Variants in WDR59 observed in about 807,000 individuals in gnomAD.
WDR59 encodes the protein WD repeat domain 59, also known as GATOR2 complex protein WDR59.
A neutral mutation model predicts 131.2 loss-of-function variants in WDR59; 100 were observed. That is an observed-to-expected ratio of 0.76 (90% CI 0.65 to 0.90). The LOEUF is 0.90. Ranked by LOEUF, WDR59 falls within the 40% of genes least tolerant of loss-of-function variation. The probability of loss-of-function intolerance (pLI) is 0.00; values close to 1 mark genes in which losing one functional copy is unlikely to be tolerated. For missense variants in WDR59, 1,203 were observed against 1,262.2 expected, an observed-to-expected ratio of 0.95 and a Z score of 0.71; for synonymous variants, 601 against 466.2, an observed-to-expected ratio of 1.29 and a Z score of -3.72.
At chr16:74,933,708 A>G (rs145105219) in intron 8 of WDR59, among the ~76,000 whole-genome samples, 1 of 151,992 alleles carries the variant, frequency 6.6e-6, no homozygotes, top group Admixed American at 6.6e-5. Flanking sequence ...TGCCTCAGCC[A>G]CCCAACTAGC....
chr16:74,951,442 G>C lies in WDR59; in HGVS notation c.326+16C>G, dbSNP rs775886319. The C allele has an allele frequency of 6.3e-7, 1 of 1,585,290 alleles. No individual in the cohort carries two copies. The highest frequency in any genetic ancestry group is 8.6e-7 in the Non-Finnish European group (1 of 1,165,416). On this transcript the variant is annotated intron_variant, in intron 4 of 25. Transcript: ENST00000262144. ...AAAGCAAGACAGCCAAAGAGCTGTG[G>C]AGGGCTGGTGCCTACCTGATGACAC...
At chr16:74,979,284 G>A (rs1293127131) in intron 1 of WDR59, among the ~76,000 whole-genome samples, 1 of 151,532 alleles carries the variant, frequency 6.6e-6, no homozygotes, top group Non-Finnish European at 1.5e-5. Context: ...CTAACACAGT[G>A]AAACCCCATC....
chr16:74,956,618 C>G lies in WDR59; in HGVS notation c.105-8G>C, dbSNP rs375317600. ...ATGTATAAGAATCTGCGGCTAGAGA[C>G]CAACATCAACATTATAATAGTATAA... On this transcript the variant is annotated splice_polypyrimidine_tract_variant and splice_region_variant and intron_variant, in intron 2 of 25. Transcript: ENST00000262144. 7.4e-6 allele frequency: 12 copies of G among 1,613,384 alleles called. No individual in the cohort carries two copies. The African/African-American group carries it at 1.1e-4, about 14-fold the overall frequency.
intron 25 of WDR59, among the ~76,000 whole-genome samples, chr16:74,875,188 G>A (rs539908939): frequency 9.9e-5 from 15 of 152,162 alleles, no homozygotes; most frequent in Non-Finnish European, 2.2e-4. Flanking sequence ...TCAGGACACC[G>A]GGATGCCGCT....
In WDR59 at chr16:74,886,409, A is replaced by G; in HGVS notation, c.2420-13T>C. The G allele has an allele frequency of 6.2e-7, 1 of 1,611,360 alleles. No individual in the cohort carries two copies. The highest frequency in any genetic ancestry group is 8.5e-7 in the Non-Finnish European group (1 of 1,179,138). ...GCCTCTCTTCCCGCTGAAGAAAATC[A>G]AATGGGAAGGGAAGATGGCAATCAG... On this transcript the variant is annotated splice_polypyrimidine_tract_variant and intron_variant, in intron 23 of 25. Transcript: ENST00000262144.
At chr16:74,920,994 T>A (rs1306216577) in intron 10 of WDR59, among the ~76,000 whole-genome samples, 1 of 152,144 alleles carries the variant, frequency 6.6e-6, no homozygotes, top group Non-Finnish European at 1.5e-5. Context: ...TGCATGGCAA[T>A]TACATAGATT....
intron 17 of WDR59, among the ~76,000 whole-genome samples, chr16:74,905,939 A>C (rs1382091790): frequency 6.6e-6 from 1 of 152,008 alleles, no homozygotes; most frequent in Non-Finnish European, 1.5e-5. Flanking sequence ...AGCACATCAC[A>C]AAAAAAGATA....
chr16:74,952,763 T>A (rs185343616), intron 3 of WDR59, among the ~76,000 whole-genome samples: 2 of 150,022 alleles, frequency 1.3e-5, no homozygotes, highest in East Asian at 1.9e-4. Context: ...AATAATTTTT[T>A]AAATTATATA....
intron 13 of WDR59, among the ~76,000 whole-genome samples, chr16:74,914,565 A>G (rs1966267710): frequency 6.6e-6 from 1 of 151,222 alleles, no homozygotes; most frequent in Non-Finnish European, 1.5e-5. Context: ...TCAGCTGTAA[A>G]GTGAGGCTAA....
At chr16:74,955,395 G>A (rs1186851934) in intron 3 of WDR59, among the ~76,000 whole-genome samples, 1 of 152,142 alleles carries the variant, frequency 6.6e-6, no homozygotes, top group Non-Finnish European at 1.5e-5. Context: ...GTAGTGCCAA[G>A]GTTAAAAAAC....
chr16:74,909,113 C>A lies in WDR59; in HGVS notation c.1643-136G>T, dbSNP rs1965960327. 6 of 741,866 alleles carry A rather than the reference C, an allele frequency of 8.1e-6. No homozygotes were observed. In the South Asian group the frequency reaches 8.5e-5, roughly 11 times the overall value. The allele number at this position is 741,866 out of a possible 1,614,324, so 46.0% of individuals were successfully genotyped here. ...CACATTTTCATAAGCTGCAAGACTC[C>A]TGACTGCAGTCACCCTTACCAGGAA... is the stretch of plus-strand genomic sequence containing the variant. On this transcript the variant is annotated intron_variant, in intron 16 of 25. Transcript: ENST00000262144.
chr16:74,951,352 C>G, intron 4 of WDR59, 106 bp downstream of exon 4: 1 of 1,133,050 alleles, frequency 8.8e-7, no homozygotes, highest in Non-Finnish European at 1.3e-6. Context: ...GGGACCTGTG[C>G]AACACAGACA....
chr16:74,930,476 AAAT>A (rs2031279833), intron 8 of WDR59, among the ~76,000 whole-genome samples: 1 of 152,194 alleles, frequency 6.6e-6, no homozygotes, highest in Non-Finnish European at 1.5e-5. Flanking sequence ...GTAGAATATA[AAAT>A]AAGAAGCTTG....
intron 1 of WDR59, chr16:74,984,644 C>A (rs925741663): frequency 1.1e-5 from 4 of 375,510 alleles, no homozygotes; most frequent in Non-Finnish European, 1.5e-5. Flanking sequence ...GAAGCCGTCA[C>A]GCCCTCGCTC....
At chr16:74,892,265 T>C (rs956179289) in intron 20 of WDR59, among the ~76,000 whole-genome samples, 6 of 152,110 alleles carry the variant, frequency 3.9e-5, no homozygotes, top group African/African-American at 1.4e-4. Flanking sequence ...ATTAAAAAAA[T>C]TCATCGATGC....
chr16:74,935,942 A>G (rs1368492632), intron 8 of WDR59, among the ~76,000 whole-genome samples: 1 of 151,808 alleles, frequency 6.6e-6, no homozygotes, highest in Non-Finnish European at 1.5e-5. Context: ...GGTTGCAGTG[A>G]GCCGAGATCG....
At chr16:74,897,063 G>A (rs1965331502) in intron 18 of WDR59, among the ~76,000 whole-genome samples, 1 of 152,192 alleles carries the variant, frequency 6.6e-6, no homozygotes, top group Admixed American at 6.5e-5. Flanking sequence ...TATGGAAATT[G>A]CTTGGTCCAT....
At chr16:74,941,480 G>A (rs1221542193) in intron 7 of WDR59, among the ~76,000 whole-genome samples, 1 of 152,010 alleles carries the variant, frequency 6.6e-6, no homozygotes, top group African/African-American at 2.4e-5. Context: ...GATCACTTGA[G>A]GTCGGGAGTT....
chr16:74,944,691 C>A (rs538316310), intron 6 of WDR59, among the ~76,000 whole-genome samples: 1 of 152,222 alleles, frequency 6.6e-6, no homozygotes, highest in East Asian at 1.9e-4. Flanking sequence ...TCAAGGTCCA[C>A]AAGCCTCTCA....
Sources: allele counts gnomAD v4.1 joint callset (sites outside exome capture counted in the v4.1 genomes callset), GRCh38; gene constraint gnomAD v4.1.1; transcripts MANE v1.5; gene names NCBI Gene and HGNC (gene_info 2026-07-23, HGNC 2026-07-21).